UBE2K: variants seen among roughly 807,000 people sequenced by gnomAD.
UBE2K encodes the protein ubiquitin-conjugating enzyme E2 K.
Under a neutral mutation model 30.0 loss-of-function variants are expected in UBE2K, and 6 were observed. That is an observed-to-expected ratio of 0.20 (90% CI 0.11 to 0.39). The LOEUF (loss-of-function observed/expected upper bound fraction) is 0.39, where lower values mean the gene tolerates loss of function less well. Among genes scored for constraint, UBE2K ranks in the 10% least tolerant of loss-of-function variants. The pLI is 1.00. For synonymous variants in UBE2K, 86 were observed against 83.7 expected, an observed-to-expected ratio of 1.03 and a Z score of -0.15; for missense variants, 61 against 241.6, an observed-to-expected ratio of 0.25 and a Z score of 4.96.
rs1262106622 is a variant in UBE2K, at chr4:39,779,302, C to T, written c.*868C>T. 1 of 151,956 alleles carries T rather than the reference C, an allele frequency of 6.6e-6. No individual in the cohort carries two copies. Among genetic ancestry groups the T allele is most frequent in the Non-Finnish European group, 1.5e-5 (1 of 68,000 alleles). The allele number at this position is 151,956 out of a possible 1,614,324, so 9.4% of individuals were successfully genotyped here. A position where few individuals can be genotyped will look rare whatever the true frequency, so the allele number is the denominator to read the frequency against. The stretch of plus-strand genomic sequence containing the variant: ...TTATTCCCAGGTTTAATGAAAGAAC[C>T]CAACTTAGTTTTTCAGTGAATTTGA... On this transcript the variant is annotated 3_prime_UTR_variant, in exon 7 of 7. Transcript: ENST00000261427.
intron 1 of UBE2K, among the ~76,000 whole-genome samples, chr4:39,725,965 A>G (rs937253907): frequency 6.6e-6 from 1 of 151,032 alleles, no homozygotes; most frequent in East Asian, 2.0e-4. Flanking sequence ...ATAGTATTGT[A>G]AATATTTGGG....
rs555230368 is a variant in UBE2K at position 39,706,072 on chromosome 4, C to T, written c.63+7682C>T. On this transcript the variant is annotated intron_variant, in intron 1 of 6. Coordinates refer to ENST00000261427, the MANE Select transcript of UBE2K (RefSeq NM_005339.5). ...TGTCACCTAGGCTGGAGTGCAGTGG[C>T]GCTATCTCAGCTCACTGCAAGCTCC... Among the ~76,000 whole-genome samples, 5 of 152,152 alleles carry T rather than the reference C, an allele frequency of 3.3e-5. 1 individual carries two copies. Among genetic ancestry groups the T allele is most frequent in the African/African-American group, 7.2e-5 (3 of 41,442 alleles).
intron 4 of UBE2K, among the ~76,000 whole-genome samples, chr4:39,767,277 A>T (rs1712401828): frequency 1.4e-5 from 2 of 146,980 alleles, no homozygotes; most frequent in Admixed American, 1.3e-4. Context: ...AATTTGAGAG[A>T]TTATCAGTTT....
At chr4:39,711,720 G>A (rs1718697105) in intron 1 of UBE2K, among the ~76,000 whole-genome samples, 2 of 151,976 alleles carry the variant, frequency 1.3e-5, no homozygotes, top group South Asian at 4.2e-4. Context: ...TTCTCCAGAT[G>A]ATTGAATCAA....
intron 6 of UBE2K, among the ~76,000 whole-genome samples, 180 bp from the exon 7 acceptor site, chr4:39,778,180 G>T (rs1012657608): frequency 6.7e-6 from 1 of 149,728 alleles, no homozygotes; most frequent in Non-Finnish European, 1.5e-5. Flanking sequence ...CAAAGTCAGT[G>T]ATTTTTTTAT....
intron 3 of UBE2K, among the ~76,000 whole-genome samples, chr4:39,746,852 A>C (rs1277469413): frequency 1.3e-5 from 2 of 152,258 alleles, no homozygotes; most frequent in Non-Finnish European, 2.9e-5. Context: ...GTAGCATTTT[A>C]TACAATTTAT....
intron 1 of UBE2K, among the ~76,000 whole-genome samples, chr4:39,700,927 A>ACCG (rs397739477): frequency 3.3e-5 from 5 of 150,814 alleles, no homozygotes; most frequent in African/African-American, 9.8e-5. Flanking sequence ...GGAAGAGGCC[A>ACCG]TTTGTGTCAA....
At chr4:39,699,280 C>A (rs1435452533) in intron 1 of UBE2K, among the ~76,000 whole-genome samples, 2 of 152,196 alleles carry the variant, frequency 1.3e-5, no homozygotes, top group Non-Finnish European at 2.9e-5. Flanking sequence ...CACGAAACTT[C>A]ATTATGATGT....
rs115657682 is a variant in UBE2K, at chr4:39,763,839, A to T, written c.299+8100A>T. Among the ~76,000 whole-genome samples the T allele has an allele frequency of 1.2e-3, 183 of 152,016 alleles. 2 individuals are homozygous for T. Among genetic ancestry groups the T allele is most frequent in the African/African-American group, 4.2e-3 (175 of 41,498 alleles). Reference sequence around the variant, plus strand: ...ACTGCAGCCTCAACCTTCCAGGCTCAATTGGTCTTCCCACCTCAGCCTTCT... The same window carrying T: ...ACTGCAGCCTCAACCTTCCAGGCTCTATTGGTCTTCCCACCTCAGCCTTCT... On this transcript the variant is annotated intron_variant, in intron 4 of 6. Coordinates refer to ENST00000261427, the MANE Select transcript of UBE2K (RefSeq NM_005339.5).
chr4:39,731,888 GAAAC>G (rs1313073091), intron 1 of UBE2K, among the ~76,000 whole-genome samples: 3 of 152,082 alleles, frequency 2.0e-5, no homozygotes, highest in Non-Finnish European at 4.4e-5. Context: ...GCTTGACTAG[GAAAC>G]AAATAATAAT....
chr4:39,726,986 A>C (rs1480497545), intron 1 of UBE2K, among the ~76,000 whole-genome samples: 1 of 152,242 alleles, frequency 6.6e-6, no homozygotes, highest in African/African-American at 2.4e-5. Context: ...TTCATTGTGG[A>C]TCTTTAACAT....
At position 39,780,879 on chromosome 4, in the gene UBE2K, T is replaced by G. The variant is rs1025976368; in HGVS notation, c.*2445T>G. 3.9e-5 allele frequency: 6 copies of G among 152,092 alleles called. No individual in the cohort carries two copies. The highest frequency in any genetic ancestry group is 7.4e-5 in the Non-Finnish European group (5 of 67,968). 9.4% of individuals were successfully genotyped at this position (152,092 alleles called of 1,614,324 possible). ...AAAGTACCCTGGTGGAAATTATTTT[T>G]GTAATTCTTAATATTTTTGAGTTGG... On this transcript the variant is annotated 3_prime_UTR_variant, in exon 7 of 7. Transcript: ENST00000261427.
chr4:39,766,559 A>ATT (rs1164404562), intron 4 of UBE2K, among the ~76,000 whole-genome samples: 1 of 151,074 alleles, frequency 6.6e-6, no homozygotes, highest in Non-Finnish European at 1.5e-5. Context: ...ATTTGGAAAT[A>ATT]TTTTCTCCTG....
intron 4 of UBE2K, among the ~76,000 whole-genome samples, chr4:39,763,733 G>A (rs1341911301): frequency 6.6e-6 from 1 of 152,072 alleles, no homozygotes; most frequent in Non-Finnish European, 1.5e-5. Flanking sequence ...ATATCAATAG[G>A]TTTTGTTTGG....
At position 39,714,517 on chromosome 4, in the gene UBE2K, CATATATATAT is replaced by C. The variant is rs71645182; in HGVS notation, c.63+16152_63+16161del. 10 of 41,638 alleles carry C rather than the reference CATATATATAT, an allele frequency of 2.4e-4. 1 individual carries two copies. The highest frequency in any genetic ancestry group is 1.2e-3 in the African/African-American group (9 of 7,532). The allele number at this position is 41,638 out of a possible 1,614,324, so 2.6% of individuals were successfully genotyped here. On this transcript the variant is annotated intron_variant, in intron 1 of 6. Transcript: ENST00000261427. The stretch of plus-strand genomic sequence containing the variant: ...TGTCCTCCTTGTCTTTTAGAAGTTT[CATATATATAT>C]ATATATATATATATATATATATATT...
intron 4 of UBE2K, among the ~76,000 whole-genome samples, chr4:39,769,371 C>G (rs1368285719): frequency 6.6e-6 from 1 of 151,768 alleles, no homozygotes; most frequent in Non-Finnish European, 1.5e-5. Context: ...AACAGCCCTT[C>G]TTGTGTTCTT....
chr4:39,778,419 G>A lies in UBE2K; in HGVS notation c.588G>A (p.Leu196=). 1 of 1,612,666 alleles carries A rather than the reference G, an allele frequency of 6.2e-7. No homozygotes were observed. ...GGGATGTAGAGACTGCAACAGAATT[G>A]CTTCTGAGTAACTGAGGCATAGAGA... ...KSWDVETATE[L]LLSN Residue 196 remains leucine (L), a synonymous_variant, in exon 7 of 7, where the codon TTG becomes TTA. Transcript: ENST00000261427.
intron 1 of UBE2K, among the ~76,000 whole-genome samples, chr4:39,716,348 A>T (rs2109320209): frequency 6.6e-6 from 1 of 152,228 alleles, no homozygotes; most frequent in Middle Eastern, 3.4e-3. Flanking sequence ...GTTGGGCTTA[A>T]GTGATCCTCC....
intron 1 of UBE2K, among the ~76,000 whole-genome samples, chr4:39,736,926 CAGTT>C (rs1484795253): frequency 6.6e-6 from 1 of 152,144 alleles, no homozygotes; most frequent in East Asian, 1.9e-4. Flanking sequence ...CTATTTCAGT[CAGTT>C]AAACTAAACA....
Sources: allele counts gnomAD v4.1 joint callset (sites outside exome capture counted in the v4.1 genomes callset), GRCh38; gene constraint gnomAD v4.1.1; transcripts MANE v1.5; gene names NCBI Gene and HGNC (gene_info 2026-07-23, HGNC 2026-07-21).